KCNQ5: variants seen among roughly 807,000 people sequenced by gnomAD.
KCNQ5 encodes the protein potassium voltage-gated channel subfamily KQT member 5.
A neutral mutation model predicts 98.2 loss-of-function variants in KCNQ5; 30 were observed. The observed-to-expected ratio is 0.31, with a 90% CI of 0.23 to 0.41. The LOEUF is 0.41. Ranked by LOEUF, KCNQ5 falls within the 10% of genes least tolerant of loss-of-function variation. The pLI, the probability that KCNQ5 is intolerant of heterozygous loss-of-function variation, is 1.00. For synonymous variants in KCNQ5, 458 were observed against 449.4 expected (o/e 1.02, Z -0.24); for missense variants, 835 against 1,182.5 (o/e 0.71, Z 4.31).
intron 1 of KCNQ5, among the ~76,000 whole-genome samples, chr6:72,710,743 G>A (rs879296514): frequency 6.6e-6 from 1 of 152,104 alleles, no homozygotes; most frequent in Non-Finnish European, 1.5e-5. Flanking sequence ...AAATAATAGT[G>A]GGGGACATCA....
At position 72,759,749 on chromosome 6, in the gene KCNQ5, T is replaced by C. The variant is rs909617021; in HGVS notation, c.398+137162T>C. Reference sequence around the variant, plus strand: ...AGCTACCTAAAATACCCTCAGATGGTATTAGACATTAACGAAAAATAAACT... The same window carrying C: ...AGCTACCTAAAATACCCTCAGATGGCATTAGACATTAACGAAAAATAAACT... On this transcript the variant is annotated intron_variant, in intron 1 of 13. Transcript: ENST00000370398. 3.3e-5 allele frequency among the ~76,000 whole-genome samples: 5 copies of C among 152,192 alleles called. No homozygotes were observed. The South Asian group carries it at 6.2e-4, about 19-fold the overall frequency.
chr6:72,833,914 G>A (rs1776394917), intron 1 of KCNQ5, among the ~76,000 whole-genome samples: 1 of 151,874 alleles, frequency 6.6e-6, no homozygotes, highest in Non-Finnish European at 1.5e-5. Flanking sequence ...AAAAATATAA[G>A]GTTGGATGAA....
At chr6:73,093,826 C>T (rs983578520) in intron 5 of KCNQ5, among the ~76,000 whole-genome samples, 5 of 152,022 alleles carry the variant, frequency 3.3e-5, no homozygotes, top group Middle Eastern at 3.4e-3. Context: ...TGTGGCCTGT[C>T]ATATGGTCTA....
intron 11 of KCNQ5, among the ~76,000 whole-genome samples, chr6:73,178,438 A>G (rs888256997): frequency 6.7e-6 from 1 of 149,776 alleles, no homozygotes; most frequent in East Asian, 1.9e-4. Flanking sequence ...ATTAAAAAAA[A>G]ACAAAAACTC....
At chr6:72,752,056 G>C (rs1190079317) in intron 1 of KCNQ5, among the ~76,000 whole-genome samples, 1 of 152,024 alleles carries the variant, frequency 6.6e-6, no homozygotes, top group Non-Finnish European at 1.5e-5. Flanking sequence ...CTTCACGTTG[G>C]GGGTAAGCTA....
intron 1 of KCNQ5, among the ~76,000 whole-genome samples, chr6:72,860,774 A>T (rs1160117612): frequency 2.6e-5 from 4 of 151,656 alleles, no homozygotes; most frequent in African/African-American, 9.7e-5. Context: ...AACTCCTATG[A>T]TCTTTATTTC....
chr6:73,054,585 AC>A (rs1489495825), intron 3 of KCNQ5, among the ~76,000 whole-genome samples: 1 of 152,234 alleles, frequency 6.6e-6, no homozygotes, highest in Non-Finnish European at 1.5e-5. Flanking sequence ...AGAATTAAAA[AC>A]AAAAACCACA....
At chr6:73,103,863 T>C (rs1219521238) in intron 5 of KCNQ5, among the ~76,000 whole-genome samples, 1 of 152,170 alleles carries the variant, frequency 6.6e-6, no homozygotes, top group Non-Finnish European at 1.5e-5. Context: ...AAGAGTATAA[T>C]TGGATTATTT....
In KCNQ5 at chr6:72,956,476, T is replaced by C. The variant is rs574495677; in HGVS notation, c.399-47432T>C. 1.5e-3 allele frequency among the ~76,000 whole-genome samples: 183 copies of C among 125,542 alleles called. 5 individuals are homozygous for C. The South Asian group carries it at 0.042, about 29-fold the overall frequency. The allele number at this position is 125,542 out of a possible 152,430, so 82.4% of individuals were successfully genotyped here. ...TTAAATTGGTTTTGTTGTTATTTGG[T>C]TTTTTCTTTTTTCTTTTTTTTTTTT... On this transcript the variant is annotated intron_variant, in intron 1 of 13. Transcript: ENST00000370398.
At chr6:72,822,892 C>G (rs1471299847) in intron 1 of KCNQ5, among the ~76,000 whole-genome samples, 1 of 152,086 alleles carries the variant, frequency 6.6e-6, no homozygotes, top group Non-Finnish European at 1.5e-5. Context: ...TTCCACAAAC[C>G]ACCTGTATTC....
chr6:72,958,599 T>A (rs1323318848), intron 1 of KCNQ5, among the ~76,000 whole-genome samples: 1 of 152,200 alleles, frequency 6.6e-6, no homozygotes, highest in Non-Finnish European at 1.5e-5. Context: ...GATTATTTTG[T>A]GCAGGTATAT....
At chr6:72,643,089 C>G (rs774171524) in intron 1 of KCNQ5, among the ~76,000 whole-genome samples, 1 of 152,106 alleles carries the variant, frequency 6.6e-6, no homozygotes, top group Non-Finnish European at 1.5e-5. Flanking sequence ...AAGGGAACAA[C>G]AGACACTGGA....
At chr6:72,961,388 C>T (rs542035738) in intron 1 of KCNQ5, among the ~76,000 whole-genome samples, 78 of 151,862 alleles carry the variant, frequency 5.1e-4, no homozygotes, top group South Asian at 4.8e-3. Context: ...AGGCCGAAGG[C>T]GGGCGGATCA....
At chr6:72,648,176 G>C (rs1282079054) in intron 1 of KCNQ5, among the ~76,000 whole-genome samples, 1 of 152,118 alleles carries the variant, frequency 6.6e-6, no homozygotes, top group African/African-American at 2.4e-5. Flanking sequence ...TGGCTATTGA[G>C]ATGGATGAGG....
chr6:72,959,342 T>A (rs372529675), intron 1 of KCNQ5, among the ~76,000 whole-genome samples: 4 of 152,286 alleles, frequency 2.6e-5, no homozygotes, highest in South Asian at 4.1e-4. Flanking sequence ...AACTTTCATA[T>A]TTGGGCAAGG....
intron 1 of KCNQ5, among the ~76,000 whole-genome samples, chr6:72,716,504 C>T (rs78229582): frequency 0.013 from 2,052 of 152,282 alleles, 34 homozygotes; most frequent in African/African-American, 0.042. Context: ...GGGTGAAACC[C>T]GGCTCTAGGG....
chr6:72,882,446 C>G (rs1778669833), intron 1 of KCNQ5, among the ~76,000 whole-genome samples: 2 of 152,072 alleles, frequency 1.3e-5, no homozygotes, highest in East Asian at 3.9e-4. Flanking sequence ...ACAAGCAAAT[C>G]TTGGGGAAAC....
At chr6:72,945,876 T>A (rs1299403598) in intron 1 of KCNQ5, among the ~76,000 whole-genome samples, 2 of 152,188 alleles carry the variant, frequency 1.3e-5, no homozygotes, top group African/African-American at 2.4e-5. Context: ...GAAGTACATA[T>A]ATTGACCGCT....
At chr6:72,988,201 G>A (rs1469448572) in intron 1 of KCNQ5, among the ~76,000 whole-genome samples, 2 of 152,174 alleles carry the variant, frequency 1.3e-5, no homozygotes, top group Non-Finnish European at 1.5e-5. Context: ...TTTCCTTAAT[G>A]TATTTAATCT....
Sources: gnomAD v4.1 joint callset for allele counts (sites outside exome capture counted in the v4.1 genomes callset) on GRCh38, gnomAD v4.1.1 for gene constraint, MANE v1.5 for transcripts, NCBI Gene and HGNC (gene_info 2026-07-23, HGNC 2026-07-21) for gene names.